Variants in OXR1 observed in about 807,000 individuals in gnomAD.
OXR1 encodes oxidation resistance protein 1.
OXR1 carries 41 observed loss-of-function variants against 104.6 expected under a neutral mutation model. The observed-to-expected ratio is 0.39, with a 90% CI of 0.31 to 0.51. The LOEUF (loss-of-function observed/expected upper bound fraction) is 0.51, where lower values mean the gene tolerates loss of function less well. Ranked by LOEUF, OXR1 falls within the 20% of genes least tolerant of loss-of-function variation. The pLI is 0.77. For synonymous variants in OXR1, 348 were observed against 348.4 expected, an observed-to-expected ratio of 1.00 and a Z score of 0.01; for missense variants, 955 against 1,031.9, an observed-to-expected ratio of 0.93 and a Z score of 1.02.
At chr8:106,391,371 T>G (rs139297759) in intron 2 of OXR1, among the ~76,000 whole-genome samples, 1 of 149,932 alleles carries the variant, frequency 6.7e-6, no homozygotes, top group Admixed American at 6.8e-5. Flanking sequence ...GAATTTACGT[T>G]GATGGTATTA....
chr8:106,356,631 A>T (rs1036914755), intron 1 of OXR1, among the ~76,000 whole-genome samples: 3 of 151,824 alleles, frequency 2.0e-5, no homozygotes, highest in Non-Finnish European at 4.4e-5. Flanking sequence ...ACTTAGGGGG[A>T]TTTTATGTGT....
At chr8:106,648,752 T>C (rs1004411686) in intron 3 of OXR1, among the ~76,000 whole-genome samples, 1 of 152,206 alleles carries the variant, frequency 6.6e-6, no homozygotes, top group African/African-American at 2.4e-5. Flanking sequence ...GTAAATGTGA[T>C]GTAATTAAAT....
intron 3 of OXR1, chr8:106,581,241 G>A: frequency 1.6e-6 from 2 of 1,288,124 alleles, no homozygotes; most frequent in Non-Finnish European, 2.0e-6. Flanking sequence ...CAATATCCAT[G>A]AAGCTGAGAA....
chr8:106,657,326 A>G (rs1825187301), intron 3 of OXR1, among the ~76,000 whole-genome samples: 1 of 152,198 alleles, frequency 6.6e-6, no homozygotes, highest in Non-Finnish European at 1.5e-5. Flanking sequence ...CATAAAAAAA[A>G]AAAAAGGAAA....
intron 2 of OXR1, among the ~76,000 whole-genome samples, chr8:106,492,788 C>T (rs554958066): frequency 6.6e-5 from 10 of 152,260 alleles, no homozygotes; most frequent in Middle Eastern, 6.8e-3. Flanking sequence ...CAATTAACCT[C>T]TCAAATAGTA....
intron 1 of OXR1, among the ~76,000 whole-genome samples, chr8:106,293,728 G>A (rs1240249797): frequency 1.3e-5 from 2 of 152,032 alleles, no homozygotes; most frequent in Admixed American, 6.6e-5. Flanking sequence ...GGCAAGAGAG[G>A]GACAAACTCT....
chr8:106,734,010 A>T (rs1280105449), intron 11 of OXR1, among the ~76,000 whole-genome samples: 14 of 139,396 alleles, frequency 1.0e-4, no homozygotes, highest in Non-Finnish European at 1.5e-4. Context: ...TTTTTTTTTA[A>T]GACAGGATTT....
intron 1 of OXR1, among the ~76,000 whole-genome samples, chr8:106,357,202 ATG>A (rs143745978): frequency 1.7e-4 from 26 of 150,760 alleles, no homozygotes; most frequent in African/African-American, 3.9e-4. Context: ...ATGTGTATAT[ATG>A]TGTGTGTGTG....
At chr8:106,563,505 G>A (rs201773823) in intron 3 of OXR1, among the ~76,000 whole-genome samples, 3 of 152,024 alleles carry the variant, frequency 2.0e-5, no homozygotes, top group East Asian at 1.9e-4. Context: ...TCTTAGAGAC[G>A]TAAAAAGAGA....
intron 11 of OXR1, among the ~76,000 whole-genome samples, chr8:106,724,291 C>T (rs931192637): frequency 3.3e-5 from 5 of 152,120 alleles, no homozygotes; most frequent in African/African-American, 1.2e-4. Flanking sequence ...TGTTTTATAT[C>T]CCATCATGTT....
chr8:106,590,272 G>A (rs72680983), intron 3 of OXR1, among the ~76,000 whole-genome samples: 43,372 of 151,710 alleles, frequency 0.29, 7,031 homozygotes, highest in South Asian at 0.4. Flanking sequence ...CAGGTTTTTG[G>A]TTTTTGTTGT....
At chr8:106,276,810 A>G (rs567049817) in intron 1 of OXR1, among the ~76,000 whole-genome samples, 22 of 151,208 alleles carry the variant, frequency 1.5e-4, no homozygotes, top group African/African-American at 4.8e-4. Flanking sequence ...CAATTCAGGT[A>G]TTCACCTAAA....
chr8:106,355,386 A>G (rs72678538), intron 1 of OXR1, among the ~76,000 whole-genome samples: 1,982 of 152,248 alleles, frequency 0.013, 19 homozygotes, highest in Non-Finnish European at 0.021. Context: ...TTACATTGAT[A>G]AGCAATCAAT....
intron 1 of OXR1, among the ~76,000 whole-genome samples, chr8:106,282,356 C>T (rs536471654): frequency 3.3e-5 from 5 of 152,278 alleles, no homozygotes; most frequent in African/African-American, 9.6e-5. Context: ...ACCATTTATG[C>T]TCATCACAAC....
chr8:106,617,162 C>T (rs1821307676), intron 3 of OXR1, among the ~76,000 whole-genome samples: 1 of 152,222 alleles, frequency 6.6e-6, no homozygotes, highest in Non-Finnish European at 1.5e-5. Context: ...AGGGCTCATG[C>T]CTGTAATTCC....
chr8:106,740,552 T>C (rs1469105974), intron 14 of OXR1, 57 bp downstream of exon 14: 29 of 1,360,608 alleles, frequency 2.1e-5, no homozygotes, highest in Non-Finnish European at 1.0e-5. Flanking sequence ...ACAGTAACTT[T>C]TAGCATATTT....
At chr8:106,554,230 C>T (rs529372787) in intron 3 of OXR1, among the ~76,000 whole-genome samples, 2 of 152,338 alleles carry the variant, frequency 1.3e-5, no homozygotes, top group East Asian at 1.9e-4. Flanking sequence ...AACGTGGCTT[C>T]TGCAGTATCC....
intron 11 of OXR1, among the ~76,000 whole-genome samples, chr8:106,724,026 T>G (rs1280976833): frequency 6.6e-6 from 1 of 151,840 alleles, no homozygotes; most frequent in East Asian, 1.9e-4. Context: ...GCTCAAGTAA[T>G]CCTCCTGCCT....
intron 1 of OXR1, among the ~76,000 whole-genome samples, chr8:106,337,392 A>T (rs140414694): frequency 6.6e-6 from 1 of 152,230 alleles, no homozygotes; most frequent in African/African-American, 2.4e-5. Flanking sequence ...ACATTTTATG[A>T]GATATTTCAT....
Sources: gnomAD v4.1 joint callset for allele counts (sites outside exome capture counted in the v4.1 genomes callset) on GRCh38, gnomAD v4.1.1 for gene constraint, MANE v1.5 for transcripts, NCBI Gene and HGNC (gene_info 2026-07-23, HGNC 2026-07-21) for gene names.